Variants in MSRA observed in about 807,000 individuals in gnomAD.
MSRA encodes the protein mitochondrial peptide methionine sulfoxide reductase.
Under a neutral mutation model 31.3 loss-of-function variants are expected in MSRA, and 54 were observed. That is an observed-to-expected ratio of 1.73 (90% CI 1.39 to 2.17). MSRA has a LOEUF of 2.17. Among genes scored for constraint, MSRA ranks in the 30% most tolerant of loss-of-function variants. The probability of loss-of-function intolerance (pLI) is 0.00; values close to 1 mark genes in which losing one functional copy is unlikely to be tolerated. For synonymous variants in MSRA, 169 were observed against 116.5 expected (o/e 1.45, Z -2.90); for missense variants, 507 against 300.9 (o/e 1.69, Z -5.07).
At chr8:10,245,284 T>A in intron 3 of MSRA, 61 bp downstream of exon 3, 1 of 1,463,524 alleles carries the variant, frequency 6.8e-7, no homozygotes, top group Non-Finnish European at 9.4e-7. Context: ...GTCACTACTG[T>A]TGGGTGACAG....
chr8:10,187,358 G>A (rs1184786447), intron 1 of MSRA, among the ~76,000 whole-genome samples: 1 of 152,156 alleles, frequency 6.6e-6, no homozygotes, highest in Non-Finnish European at 1.5e-5. Context: ...AAGAAGCACA[G>A]GAAAGGAAAT....
At chr8:10,321,403 A>C (rs751413760) in intron 5 of MSRA, among the ~76,000 whole-genome samples, 16 of 152,076 alleles carry the variant, frequency 1.1e-4, no homozygotes, top group Non-Finnish European at 2.2e-4. Context: ...CGGGTGACTC[A>C]AGGTCAGTTC....
intron 3 of MSRA, among the ~76,000 whole-genome samples, chr8:10,254,367 A>C (rs1308144389): frequency 6.6e-6 from 1 of 151,610 alleles, no homozygotes; most frequent in Non-Finnish European, 1.5e-5. Context: ...TCTTTCCTTG[A>C]GTTAAGGATA....
At chr8:10,403,817 C>T (rs1245262732) in intron 5 of MSRA, among the ~76,000 whole-genome samples, 1 of 152,200 alleles carries the variant, frequency 6.6e-6, no homozygotes, top group Admixed American at 6.5e-5. Flanking sequence ...CATGCCCAGG[C>T]CGTGTGTCCC....
At chr8:10,426,723 G>T (rs533183454) in intron 5 of MSRA, among the ~76,000 whole-genome samples, 81 of 152,324 alleles carry the variant, frequency 5.3e-4, no homozygotes, top group Admixed American at 1.4e-3. Flanking sequence ...TTAAATATGG[G>T]TGATAATAAT....
chr8:10,423,511 C>T (rs1354112054), intron 5 of MSRA, among the ~76,000 whole-genome samples: 9 of 132,446 alleles, frequency 6.8e-5, no homozygotes, highest in South Asian at 2.8e-4. Flanking sequence ...TGGGGTGGGG[C>T]GGGGAGGGGG....
chr8:10,060,381 T>C (rs1006864054), intron 1 of MSRA, among the ~76,000 whole-genome samples: 1 of 152,230 alleles, frequency 6.6e-6, no homozygotes, highest in East Asian at 1.9e-4. Context: ...TACAGTATGC[T>C]AACTTTTCTG....
At chr8:10,250,459 A>G (rs1797856682) in intron 3 of MSRA, 1 of 702,534 alleles carries the variant, frequency 1.4e-6, no homozygotes, top group Non-Finnish European at 2.6e-6. Context: ...AGTCTATTCA[A>G]AAGCTTTTAG....
intron 1 of MSRA, among the ~76,000 whole-genome samples, chr8:10,207,265 G>C (rs771621603): frequency 9.2e-5 from 14 of 152,200 alleles, no homozygotes; most frequent in Non-Finnish European, 1.9e-4. Context: ...AGCTGTAGGA[G>C]GCACTGGAAT....
intron 1 of MSRA, among the ~76,000 whole-genome samples, chr8:10,094,310 G>T (rs1353750846): frequency 6.6e-6 from 1 of 152,134 alleles, no homozygotes; most frequent in Non-Finnish European, 1.5e-5. Context: ...TTACTTAATA[G>T]ATTTGTTGGA....
intron 5 of MSRA, among the ~76,000 whole-genome samples, chr8:10,404,143 T>C (rs1807644190): frequency 6.6e-6 from 1 of 152,102 alleles, no homozygotes; most frequent in Non-Finnish European, 1.5e-5. Flanking sequence ...CATGTCACAA[T>C]GCATCACCTC....
At chr8:10,333,753 C>G (rs564924558) in intron 5 of MSRA, among the ~76,000 whole-genome samples, 1 of 151,450 alleles carries the variant, frequency 6.6e-6, no homozygotes, top group Admixed American at 6.6e-5. Flanking sequence ...TCACGCTTGG[C>G]TTGCATCTCG....
chr8:10,178,074 A>G (rs1363018369), intron 1 of MSRA, among the ~76,000 whole-genome samples: 2 of 152,204 alleles, frequency 1.3e-5, no homozygotes, highest in East Asian at 3.9e-4. Flanking sequence ...CCTAATGAGT[A>G]CATCTATTCC....
chr8:10,321,872 G>T (rs929106557), intron 5 of MSRA, among the ~76,000 whole-genome samples: 3 of 152,156 alleles, frequency 2.0e-5, no homozygotes, highest in African/African-American at 7.2e-5. Context: ...GCGTCATGAA[G>T]GACTTCAAGC....
intron 4 of MSRA, among the ~76,000 whole-genome samples, chr8:10,309,107 C>A (rs1801295411): frequency 6.6e-6 from 1 of 152,222 alleles, no homozygotes; most frequent in African/African-American, 2.4e-5. Flanking sequence ...CCAGCCCTCA[C>A]CCCCATGAAC....
At chr8:10,341,932 A>G (rs1175540662) in intron 5 of MSRA, among the ~76,000 whole-genome samples, 2 of 152,160 alleles carry the variant, frequency 1.3e-5, no homozygotes, top group East Asian at 3.9e-4. Flanking sequence ...ATTTTCCATC[A>G]GTGCATTTCC....
rs1799283982 is a variant in MSRA at position 10,275,672 on chromosome 8, G to T, written c.332-25862G>T. 3.3e-5 allele frequency among the ~76,000 whole-genome samples: 5 copies of T among 152,190 alleles called. No individual in the cohort carries two copies. The South Asian group carries it at 1.0e-3, about 31-fold the overall frequency. Reference sequence around the variant, plus strand: ...CACTATGCACTGGCATCTCCCAATGGATTAGGAAATGTGTAAGTACAAGGA... The same window carrying T: ...CACTATGCACTGGCATCTCCCAATGTATTAGGAAATGTGTAAGTACAAGGA... On this transcript the variant is annotated intron_variant, in intron 3 of 5. Transcript: ENST00000317173.
intron 5 of MSRA, among the ~76,000 whole-genome samples, chr8:10,340,676 T>A (rs1390264820): frequency 2.6e-5 from 4 of 152,198 alleles, no homozygotes; most frequent in Non-Finnish European, 1.5e-5. Context: ...TCCCGCCAGA[T>A]TGGAAGTTAT....
At chr8:10,263,912 G>C (rs888254966) in intron 3 of MSRA, among the ~76,000 whole-genome samples, 6 of 152,166 alleles carry the variant, frequency 3.9e-5, no homozygotes, top group Admixed American at 6.5e-5. Flanking sequence ...TAAAAGCTTT[G>C]TTATTTGCTT....
Sources: gnomAD v4.1 joint callset for allele counts (sites outside exome capture counted in the v4.1 genomes callset) on GRCh38, gnomAD v4.1.1 for gene constraint, MANE v1.5 for transcripts, NCBI Gene and HGNC (gene_info 2026-07-23, HGNC 2026-07-21) for gene names.